The following DNAH11 variants were observed in gnomAD, a reference collection of about 807,000 sequenced individuals.
The protein encoded by DNAH11 is axonemal beta dynein heavy chain 11.
In DNAH11, 442 loss-of-function variants were observed where a neutral mutation model predicts 526.0. The observed-to-expected ratio is 0.84, with a 90% CI of 0.78 to 0.91. DNAH11 has a LOEUF of 0.91. Ranked by LOEUF, DNAH11 falls within the 40% of genes least tolerant of loss-of-function variation. The pLI is 0.00. For missense variants in DNAH11, 6,989 were observed against 5,448.7 expected, an observed-to-expected ratio of 1.28 and a Z score of -8.90; for synonymous variants, 2,461 against 1,935.9, an observed-to-expected ratio of 1.27 and a Z score of -7.12.
At chr7:21,728,415 T>C (rs1015603655) in intron 45 of DNAH11, among the ~76,000 whole-genome samples, 3 of 151,718 alleles carry the variant, frequency 2.0e-5, no homozygotes, top group Non-Finnish European at 4.4e-5. Flanking sequence ...CCCACCACCA[T>C]GCCCGGCTAA....
chr7:21,837,905 A>G (rs900295703), intron 65 of DNAH11, among the ~76,000 whole-genome samples: 2 of 152,220 alleles, frequency 1.3e-5, no homozygotes, highest in East Asian at 1.9e-4. Flanking sequence ...TTTGATCATT[A>G]TACAATGTAT....
At chr7:21,889,834 T>G (rs6948632) in intron 76 of DNAH11, among the ~76,000 whole-genome samples, 95,079 of 152,064 alleles carry the variant, frequency 0.63, 30,049 homozygotes, top group South Asian at 0.68. Flanking sequence ...GCAAAAAGCA[T>G]CTTTTCATAA....
chr7:21,622,383 G>A (rs1013074312), intron 25 of DNAH11, among the ~76,000 whole-genome samples: 14 of 152,128 alleles, frequency 9.2e-5, no homozygotes, highest in African/African-American at 2.9e-4. Context: ...TTGTGAAAAT[G>A]GCCATACTGC....
intron 75 of DNAH11, among the ~76,000 whole-genome samples, chr7:21,881,485 C>T (rs1349491436): frequency 6.6e-6 from 1 of 152,166 alleles, no homozygotes; most frequent in Non-Finnish European, 1.5e-5. Context: ...ATGGGAATGC[C>T]TCATCAAGAA....
intron 45 of DNAH11, 115 bp from the exon 46 acceptor site, chr7:21,735,525 G>C: frequency 1.2e-6 from 1 of 869,380 alleles, no homozygotes; most frequent in East Asian, 2.7e-5. Flanking sequence ...GAATTATTTG[G>C]ATTTCAATTA....
chr7:21,594,021 C>A (rs1784782446), intron 14 of DNAH11, among the ~76,000 whole-genome samples: 1 of 151,304 alleles, frequency 6.6e-6, no homozygotes, highest in Admixed American at 6.6e-5. Flanking sequence ...CACACACTCA[C>A]ACACACTCTT....
intron 14 of DNAH11, among the ~76,000 whole-genome samples, chr7:21,592,600 G>A (rs901965461): frequency 1.3e-5 from 2 of 152,108 alleles, no homozygotes; most frequent in African/African-American, 4.8e-5. Context: ...CCTGTGGAGG[G>A]TAAGCCACAG....
At chr7:21,742,457 A>G (rs1260611999) in intron 49 of DNAH11, among the ~76,000 whole-genome samples, 1 of 152,088 alleles carries the variant, frequency 6.6e-6, no homozygotes, top group Non-Finnish European at 1.5e-5. Context: ...CAGGTCCCCA[A>G]ACTTTTAAAC....
chr7:21,746,924 C>A (rs1036693098), intron 51 of DNAH11, among the ~76,000 whole-genome samples: 2 of 152,124 alleles, frequency 1.3e-5, no homozygotes, highest in Non-Finnish European at 2.9e-5. Flanking sequence ...ACAGAAACCT[C>A]CCATTGATAC....
intron 67 of DNAH11, 37 bp from the exon 68 acceptor site, chr7:21,854,278 G>C: frequency 6.2e-7 from 1 of 1,604,282 alleles, no homozygotes; most frequent in African/African-American, 1.3e-5. Context: ...AATATGAAGA[G>C]TAAATAAGTT....
intron 61 of DNAH11, among the ~76,000 whole-genome samples, chr7:21,791,643 G>A (rs889976338): frequency 6.6e-6 from 1 of 152,166 alleles, no homozygotes; most frequent in African/African-American, 2.4e-5. Context: ...GCTTACATTA[G>A]CTAGAAGGGA....
chr7:21,798,177 A>C (rs1788801064), intron 61 of DNAH11, among the ~76,000 whole-genome samples: 1 of 152,118 alleles, frequency 6.6e-6, no homozygotes, highest in Non-Finnish European at 1.5e-5. Context: ...GCTCATTACA[A>C]ACTTGACTCC....
intron 18 of DNAH11, 21 bp downstream of exon 18, chr7:21,601,639 A>G (rs778572443): frequency 6.7e-7 from 1 of 1,501,788 alleles, no homozygotes; most frequent in South Asian, 1.3e-5. Flanking sequence ...AGGTGAAATA[A>G]TCATAATTAC....
chr7:21,816,219 G>A lies in DNAH11; in HGVS notation c.10333-248G>A, dbSNP rs115372788. The stretch of plus-strand genomic sequence containing the variant: ...TGGGGCAAAGTCTCTCTCAGTTGAA[G>A]CCCAGTAGATGCAGTTGATAAAACC... On this transcript the variant is annotated intron_variant, in intron 63 of 81. Transcript: ENST00000409508. 2.9e-3 allele frequency among the ~76,000 whole-genome samples: 437 copies of A among 152,252 alleles called. 1 individual carries two copies. The highest frequency in any genetic ancestry group is 0.01 in the African/African-American group (419 of 41,534).
chr7:21,752,272 T>G (rs1035554485), intron 54 of DNAH11, among the ~76,000 whole-genome samples: 13 of 152,226 alleles, frequency 8.5e-5, no homozygotes, highest in Non-Finnish European at 1.5e-5. Context: ...TTGTGGTAGT[T>G]TTAAAACATG....
chr7:21,725,962 T>C lies in DNAH11; in HGVS notation c.7418T>C (p.Met2473Thr). 6.4e-7 allele frequency: 1 copy of C among 1,554,530 alleles called. No individual in the cohort carries two copies. Among genetic ancestry groups the C allele is most frequent in the Non-Finnish European group, 8.7e-7 (1 of 1,148,240 alleles). ...PWADKIAQFTMDPDVPLQTVL... is the reference protein window; with the variant it reads ...PWADKIAQFTTDPDVPLQTVL... ...GCTGACAAAATTGCCCAGTTTACTA[T>C]GGATCCAGATGTGCCTCTGCAGGTA... is the stretch of plus-strand genomic sequence containing the variant. Residue 2473 changes from methionine to threonine, a missense_variant, in exon 45 of 82, where the codon ATG becomes ACG. Physicochemically the swap from Met to Thr is moderately conservative, Grantham distance 81. Transcript: ENST00000409508.
intron 74 of DNAH11, among the ~76,000 whole-genome samples, chr7:21,873,754 A>G (rs866166281): frequency 1.0e-4 from 15 of 147,190 alleles, no homozygotes; most frequent in Middle Eastern, 3.7e-3. Context: ...GTGTAGGGAA[A>G]GCTAACTAGG....
intron 44 of DNAH11, among the ~76,000 whole-genome samples, chr7:21,723,001 G>C (rs1784942182): frequency 6.6e-6 from 1 of 152,128 alleles, no homozygotes; most frequent in Admixed American, 6.5e-5. Flanking sequence ...CTAGAAGCTG[G>C]ATATCACTGG....
intron 65 of DNAH11, among the ~76,000 whole-genome samples, chr7:21,831,854 G>A (rs988968233): frequency 6.6e-6 from 1 of 152,192 alleles, no homozygotes; most frequent in Non-Finnish European, 1.5e-5. Context: ...ACTTTGGGAG[G>A]CTGAGACGGG....
Sources: gnomAD v4.1 joint callset for allele counts (sites outside exome capture counted in the v4.1 genomes callset) on GRCh38, gnomAD v4.1.1 for gene constraint, MANE v1.5 for transcripts, NCBI Gene and HGNC (gene_info 2026-07-23, HGNC 2026-07-21) for gene names.